Variants in UNC5D observed in about 807,000 individuals in gnomAD.
UNC5D encodes the protein netrin receptor UNC5D.
In UNC5D, 39 loss-of-function variants were observed where a neutral mutation model predicts 105.4. That is an observed-to-expected ratio of 0.37 (90% CI 0.29 to 0.48). UNC5D has a LOEUF of 0.48. Among genes scored for constraint, UNC5D ranks in the 20% least tolerant of loss-of-function variants. The probability of loss-of-function intolerance (pLI) is 0.98; values close to 1 mark genes in which losing one functional copy is unlikely to be tolerated. For synonymous variants in UNC5D, 452 were observed against 450.4 expected (o/e 1.00, Z -0.04); for missense variants, 991 against 1,202.4 (o/e 0.82, Z 2.60).
chr8:35,691,129 C>G (rs1027707132), intron 7 of UNC5D, among the ~76,000 whole-genome samples: 8 of 152,134 alleles, frequency 5.3e-5, no homozygotes, highest in Admixed American at 3.3e-4. Context: ...TCAGTTGTGA[C>G]TAGAACACAG....
At chr8:35,260,433 A>T (rs1804404954) in intron 1 of UNC5D, among the ~76,000 whole-genome samples, 1 of 152,170 alleles carries the variant, frequency 6.6e-6, no homozygotes, top group African/African-American at 2.4e-5. Context: ...ACACGACCAA[A>T]GTGTTATCTG....
chr8:35,376,381 GTGA>G (rs1802700846), intron 1 of UNC5D, among the ~76,000 whole-genome samples: 2 of 152,228 alleles, frequency 1.3e-5, no homozygotes, highest in South Asian at 4.1e-4. Context: ...TGAAGAACGA[GTGA>G]TCCTGTTTCT....
intron 1 of UNC5D, among the ~76,000 whole-genome samples, chr8:35,523,326 T>A (rs184723317): frequency 3.3e-5 from 5 of 152,188 alleles, no homozygotes; most frequent in African/African-American, 1.2e-4. Flanking sequence ...TAAGCGTTCT[T>A]CCCACTTCGA....
chr8:35,725,119 G>C (rs561913350), intron 9 of UNC5D, among the ~76,000 whole-genome samples: 1 of 152,202 alleles, frequency 6.6e-6, no homozygotes, highest in South Asian at 2.1e-4. Context: ...AAACAATAGA[G>C]GCTAATACAA....
At chr8:35,730,593 C>T (rs1360655144) in intron 10 of UNC5D, among the ~76,000 whole-genome samples, 1 of 152,072 alleles carries the variant, frequency 6.6e-6, no homozygotes, top group Non-Finnish European at 1.5e-5. Context: ...CACTCACTCA[C>T]CCATCATTTC....
rs960045754 is a variant in UNC5D at position 35,791,612 on chromosome 8, T to G, written c.*1049T>G. The G allele has an allele frequency of 7.2e-5, 11 of 152,208 alleles. No homozygotes were observed. Among genetic ancestry groups the G allele is most frequent in the Admixed American group, 3.9e-4 (6 of 15,278 alleles). 9.4% of individuals were successfully genotyped at this position (152,208 alleles called of 1,614,324 possible). A position where few individuals can be genotyped will look rare whatever the true frequency, so the allele number is the denominator to read the frequency against. ...GGGTACTGTGTCATCACAAAATCTC[T>G]CAGTAAGGCTATATGTGATCCTCAT... On this transcript the variant is annotated 3_prime_UTR_variant, in exon 17 of 17. Transcript: ENST00000404895.
chr8:35,441,441 T>C (rs914558694), intron 1 of UNC5D, among the ~76,000 whole-genome samples: 1 of 151,974 alleles, frequency 6.6e-6, no homozygotes, highest in South Asian at 2.1e-4. Context: ...TATGGTTTGC[T>C]ATTATCCACA....
intron 1 of UNC5D, among the ~76,000 whole-genome samples, chr8:35,338,218 G>C (rs1157689912): frequency 6.6e-6 from 1 of 152,050 alleles, no homozygotes; most frequent in African/African-American, 2.4e-5. Flanking sequence ...AATTCTTACA[G>C]CATAAGCTGT....
intron 1 of UNC5D, among the ~76,000 whole-genome samples, chr8:35,418,036 A>C (rs977274565): frequency 6.6e-6 from 1 of 152,140 alleles, no homozygotes; most frequent in Non-Finnish European, 1.5e-5. Context: ...TTCATTTCTC[A>C]TTTAATTCCA....
intron 1 of UNC5D, among the ~76,000 whole-genome samples, chr8:35,350,160 CAT>C (rs1237807393): frequency 2.0e-5 from 3 of 151,980 alleles, no homozygotes; most frequent in Non-Finnish European, 4.4e-5. Context: ...AAAGCTTGGA[CAT>C]GTGCAACAAA....
chr8:35,247,531 T>C (rs1273523356), intron 1 of UNC5D, among the ~76,000 whole-genome samples: 1 of 123,568 alleles, frequency 8.1e-6, no homozygotes, highest in East Asian at 2.1e-4. Context: ...TCTATATATA[T>C]ATATGTATAA....
intron 1 of UNC5D, among the ~76,000 whole-genome samples, chr8:35,257,191 G>A (rs1205552099): frequency 2.6e-5 from 4 of 151,964 alleles, no homozygotes; most frequent in East Asian, 1.9e-4. Flanking sequence ...AGGTGATCAC[G>A]ATCTCCTGAC....
At chr8:35,344,212 T>G (rs1170115074) in intron 1 of UNC5D, among the ~76,000 whole-genome samples, 1 of 152,090 alleles carries the variant, frequency 6.6e-6, no homozygotes, top group Non-Finnish European at 1.5e-5. Context: ...GCCCACCTGC[T>G]CATCTGAAAT....
chr8:35,305,652 CTTTT>C (rs1255870883), intron 1 of UNC5D, among the ~76,000 whole-genome samples: 2 of 99,906 alleles, frequency 2.0e-5, no homozygotes, highest in African/African-American at 4.2e-5. Flanking sequence ...TTCTTTCTTT[CTTTT>C]CTTTCTCTTT....
chr8:35,774,248 C>T (rs1563752962), intron 15 of UNC5D, 51 bp from the exon 16 acceptor site: 1 of 1,599,506 alleles, frequency 6.3e-7, no homozygotes, highest in Admixed American at 1.7e-5. Context: ...AAGTGTTGGT[C>T]AGGACTGCTT....
At chr8:35,328,992 G>T (rs1810392522) in intron 1 of UNC5D, among the ~76,000 whole-genome samples, 1 of 152,054 alleles carries the variant, frequency 6.6e-6, no homozygotes. Context: ...TCTACTCACA[G>T]TTGTATTTTC....
At chr8:35,275,382 G>A (rs1363723820) in intron 1 of UNC5D, among the ~76,000 whole-genome samples, 1 of 151,900 alleles carries the variant, frequency 6.6e-6, no homozygotes, top group Non-Finnish European at 1.5e-5. Context: ...GGTAAAGAGT[G>A]TTGAAAAAAA....
chr8:35,336,300 C>T (rs1487845519), intron 1 of UNC5D, among the ~76,000 whole-genome samples: 2 of 152,158 alleles, frequency 1.3e-5, no homozygotes, highest in Non-Finnish European at 2.9e-5. Context: ...CATTTAACCT[C>T]TCTACCACTA....
chr8:35,433,396 CT>C (rs1272532467), intron 1 of UNC5D, among the ~76,000 whole-genome samples: 1 of 152,064 alleles, frequency 6.6e-6, no homozygotes, highest in African/African-American at 2.4e-5. Flanking sequence ...AAATTTCCTT[CT>C]TGCTTTATGA....
Sources: allele counts gnomAD v4.1 joint callset (sites outside exome capture counted in the v4.1 genomes callset), GRCh38; gene constraint gnomAD v4.1.1; transcripts MANE v1.5; gene names NCBI Gene and HGNC (gene_info 2026-07-23, HGNC 2026-07-21).